LARP4B: variants seen among roughly 807,000 people sequenced by gnomAD.
LARP4B encodes the protein la-related protein 4B.
A neutral mutation model predicts 89.8 loss-of-function variants in LARP4B; 12 were observed. The ratio of observed to expected loss-of-function variants is 0.13; its 90% CI spans 0.09 to 0.22. The LOEUF is 0.22. Ranked by LOEUF, LARP4B falls within the 10% of genes least tolerant of loss-of-function variation. LARP4B has a pLI of 1.00. For missense variants in LARP4B, 757 were observed against 947.7 expected, an observed-to-expected ratio of 0.80 and a Z score of 2.64; for synonymous variants, 367 against 363.3, an observed-to-expected ratio of 1.01 and a Z score of -0.12.
rs1836767428 is a variant in LARP4B, at chr10:914,594, A to C, written c.-40+16834T>G. On this transcript the variant is annotated intron_variant, in intron 1 of 17. Transcript: ENST00000316157. ...GGTGGATCATGAGGTCAGGAGTTCA[A>C]GACCAACCTGACCAACATGGTGAAA... Among the ~76,000 whole-genome samples the C allele has an allele frequency of 2.6e-5, 4 of 152,078 alleles. No homozygotes were observed. The South Asian group carries it at 8.3e-4, about 32-fold the overall frequency.
the LARP4B span, among the ~76,000 whole-genome samples, chr10:968,197 G>C: frequency 6.6e-6 from 1 of 152,130 alleles, no homozygotes; most frequent in East Asian, 1.9e-4. Flanking sequence ...CATGAAACCT[G>C]GTAATTGGTA....
intron 11 of LARP4B, among the ~76,000 whole-genome samples, chr10:828,981 A>G (rs867968095): frequency 2.6e-5 from 4 of 152,248 alleles, no homozygotes; most frequent in African/African-American, 9.6e-5. Flanking sequence ...AATGCTGGTG[A>G]GAAGTGAGTA....
chr10:914,687 C>T (rs1246721016), intron 1 of LARP4B, among the ~76,000 whole-genome samples: 2 of 149,700 alleles, frequency 1.3e-5, no homozygotes, highest in South Asian at 2.1e-4. Flanking sequence ...CCCAGCCACT[C>T]GAGAGGCTGA....
chr10:873,684 CGAA>C (rs1564424071), intron 3 of LARP4B, among the ~76,000 whole-genome samples: 3 of 151,252 alleles, frequency 2.0e-5, no homozygotes, highest in Non-Finnish European at 4.4e-5. Context: ...TAAAAAGAGA[CGAA>C]AAAATCAAAG....
chr10:816,952 T>G (rs1360917686), intron 15 of LARP4B, among the ~76,000 whole-genome samples: 2 of 152,090 alleles, frequency 1.3e-5, no homozygotes, highest in Non-Finnish European at 2.9e-5. Flanking sequence ...AGCAGCACGG[T>G]CATGTGGCGT....
At chr10:925,780 C>T (rs1564448920) in intron 1 of LARP4B, among the ~76,000 whole-genome samples, 1 of 152,168 alleles carries the variant, frequency 6.6e-6, no homozygotes. Context: ...GTGATCCACC[C>T]GCCTCGGCCT....
intron 3 of LARP4B, among the ~76,000 whole-genome samples, chr10:882,105 G>C (rs550189886): frequency 6.6e-6 from 1 of 152,254 alleles, no homozygotes; most frequent in South Asian, 2.1e-4. Flanking sequence ...GTGGGCCTGG[G>C]GGTGGGCTGG....
At chr10:925,232 G>A (rs374315521) in intron 1 of LARP4B, among the ~76,000 whole-genome samples, 1 of 152,062 alleles carries the variant, frequency 6.6e-6, no homozygotes, top group Non-Finnish European at 1.5e-5. Flanking sequence ...GCTGGATGAC[G>A]GGCCTTACAG....
chr10:915,081 T>C (rs1211791110), intron 1 of LARP4B, among the ~76,000 whole-genome samples: 1 of 151,974 alleles, frequency 6.6e-6, no homozygotes, highest in Non-Finnish European at 1.5e-5. Flanking sequence ...TAAGAAAAAA[T>C]TTTAAGTGGT....
At chr10:823,253 C>T (rs917311290) in intron 13 of LARP4B, among the ~76,000 whole-genome samples, 2 of 152,082 alleles carry the variant, frequency 1.3e-5, no homozygotes, top group African/African-American at 4.8e-5. Flanking sequence ...TGCTGGTGTG[C>T]GCTTCCTAAA....
At chr10:846,666 C>T (rs899854030) in intron 5 of LARP4B, among the ~76,000 whole-genome samples, 12 of 152,182 alleles carry the variant, frequency 7.9e-5, no homozygotes, top group Non-Finnish European at 1.3e-4. Context: ...TCAAGGCTGA[C>T]ATTTTGAAAA....
upstream of LARP4B, among the ~76,000 whole-genome samples, chr10:935,997 G>A (rs763089185): frequency 2.2e-4 from 33 of 151,534 alleles, no homozygotes; most frequent in Non-Finnish European, 4.3e-4. Context: ...ACCTGCCTCC[G>A]CCTCCCAAAA....
rs569406366 is a variant in LARP4B at position 861,512 on chromosome 10, T to C, written c.430+2231A>G. Among the ~76,000 whole-genome samples, 32 of 152,280 alleles carry C rather than the reference T, an allele frequency of 2.1e-4. No homozygotes were observed. In the South Asian group the frequency reaches 6.0e-3, roughly 29 times the overall value. On this transcript the variant is annotated intron_variant, in intron 5 of 17. Coordinates refer to ENST00000316157, the MANE Select transcript of LARP4B (RefSeq NM_015155.3). ...GTATTCTTTTTCTTCTTTTTGAAAA[T>C]AGTTTTAAATACCCCTTTTAAAAAG...
rs1588838442 is a variant in LARP4B at position 813,615 on chromosome 10, C to T, written c.1930-402G>A. On this transcript the variant is annotated intron_variant, in intron 17 of 17. Transcript: ENST00000316157. ...ATGGACCCTCACACGGTACTCAACC[C>T]TGAAAGGCAAACTCCAAAAACAGTC... Among the ~76,000 whole-genome samples, 4 of 152,286 alleles carry T rather than the reference C, an allele frequency of 2.6e-5. No individual in the cohort carries two copies. In the South Asian group the frequency reaches 8.3e-4, roughly 32 times the overall value.
chr10:912,708 C>CAAAAA (rs60998261), intron 1 of LARP4B, among the ~76,000 whole-genome samples: 9 of 91,236 alleles, frequency 9.9e-5, no homozygotes, highest in Non-Finnish European at 1.4e-4. Context: ...CTCGTCTTGA[C>CAAAAA]AAAAAAAAAA....
the LARP4B span, among the ~76,000 whole-genome samples, chr10:960,406 C>T: frequency 2.5e-3 from 373 of 151,934 alleles, 3 homozygotes; most frequent in African/African-American, 8.0e-3. Context: ...GGGAGGGAGG[C>T]GCTGGGTATG....
At chr10:914,491 T>C (rs1836763211) in intron 1 of LARP4B, among the ~76,000 whole-genome samples, 1 of 147,266 alleles carries the variant, frequency 6.8e-6, no homozygotes, top group Admixed American at 6.8e-5. Flanking sequence ...AGAGGAAGAC[T>C]CAGCCAAAAA....
At chr10:897,987 C>CAAAAA (rs58452748) in intron 1 of LARP4B, among the ~76,000 whole-genome samples, 700 of 25,630 alleles carry the variant, frequency 0.027, 49 homozygotes, top group African/African-American at 0.04. Flanking sequence ...GGCTCCATCT[C>CAAAAA]AAAAAAAAAA....
chr10:983,488 G>A, the LARP4B span, among the ~76,000 whole-genome samples: 1 of 152,280 alleles, frequency 6.6e-6, no homozygotes, highest in South Asian at 2.1e-4. Context: ...TCCAGATCAG[G>A]ACACCAGCAT....
Sources: allele counts gnomAD v4.1 joint callset (sites outside exome capture counted in the v4.1 genomes callset), GRCh38; gene constraint gnomAD v4.1.1; transcripts MANE v1.5; gene names NCBI Gene and HGNC (gene_info 2026-07-23, HGNC 2026-07-21).